ZNF146: variants seen among roughly 807,000 people sequenced by gnomAD.
The protein encoded by ZNF146 is zinc finger protein OZF.
Under a neutral mutation model 22.2 loss-of-function variants are expected in ZNF146, and 9 were observed. The observed-to-expected ratio is 0.41, with a 90% CI of 0.24 to 0.71. The LOEUF is 0.71. ZNF146 is among the 30% of genes least tolerant of loss of function. The probability of loss-of-function intolerance (pLI) is 0.34; values close to 1 mark genes in which losing one functional copy is unlikely to be tolerated. For missense variants in ZNF146, 194 were observed against 344.8 expected (o/e 0.56, Z 3.46); for synonymous variants, 108 against 119.2 (o/e 0.91, Z 0.61).
chr19:36,235,220 A>AT (rs56213724), intron 3 of ZNF146, among the ~76,000 whole-genome samples: 1 of 143,706 alleles, frequency 7.0e-6, no homozygotes, highest in Non-Finnish European at 1.5e-5. Flanking sequence ...AAAAAAAAAA[A>AT]GAAGAAAGAA....
At chr19:36,216,867 A>ATCCCAGCACTTCAGGTG (rs143459636) in intron 1 of ZNF146, among the ~76,000 whole-genome samples, 1 of 150,794 alleles carries the variant, frequency 6.6e-6, no homozygotes, top group Non-Finnish European at 1.5e-5. Context: ...CACACCTGTG[A>ATCCCAGCACTTCAGGTG]GCCAAGGCAG....
At chr19:36,232,538 C>T (rs776819455) in intron 3 of ZNF146, among the ~76,000 whole-genome samples, 1 of 151,676 alleles carries the variant, frequency 6.6e-6, no homozygotes. Context: ...AGTTTGAGAA[C>T]GCATGAGTTG....
chr19:36,221,325 G>A (rs193068230), intron 2 of ZNF146, among the ~76,000 whole-genome samples: 6 of 112,094 alleles, frequency 5.4e-5, no homozygotes, highest in African/African-American at 2.2e-4. Context: ...GTCTCACTCT[G>A]TCCCCTAGGC....
chr19:36,221,266 T>A (rs1976822422), intron 2 of ZNF146, among the ~76,000 whole-genome samples: 1 of 151,910 alleles, frequency 6.6e-6, no homozygotes, highest in Non-Finnish European at 1.5e-5. Context: ...CATTTGTTGT[T>A]TTCAGGTTAA....
rs761066998 is a variant in ZNF146, at chr19:36,237,460, A to G, written c.*141A>G. On this transcript the variant is annotated 3_prime_UTR_variant, in exon 4 of 4. Coordinates refer to ENST00000443387, the MANE Select transcript of ZNF146 (RefSeq NM_007145.3). The stretch of plus-strand genomic sequence containing the variant: ...GTACTAAAAACTTAAGGGACACCAG[A>G]AAATTTGTACTGAAGAGAAAGACAT... 28 of 1,036,906 alleles carry G rather than the reference A, an allele frequency of 2.7e-5. No homozygotes were observed. Among genetic ancestry groups the G allele is most frequent in the Non-Finnish European group, 3.7e-5 (27 of 735,956 alleles). The allele number at this position is 1,036,906 out of a possible 1,614,324, so 64.2% of individuals were successfully genotyped here.
At chr19:36,224,209 C>T (rs1036273099) in intron 2 of ZNF146, among the ~76,000 whole-genome samples, 5 of 152,168 alleles carry the variant, frequency 3.3e-5, no homozygotes, top group African/African-American at 1.2e-4. Context: ...TGGAGAAACC[C>T]TGTCTCTACT....
chr19:36,219,767 G>T (rs12463236), intron 2 of ZNF146, among the ~76,000 whole-genome samples: 26,050 of 151,718 alleles, frequency 0.17, 2,528 homozygotes, highest in Non-Finnish European at 0.22. Flanking sequence ...TGTTTTTTTT[G>T]TTGTTGTTGT....
chr19:36,222,467 C>T (rs1188973358), intron 2 of ZNF146, among the ~76,000 whole-genome samples: 2 of 152,086 alleles, frequency 1.3e-5, no homozygotes, highest in Admixed American at 6.6e-5. Flanking sequence ...AATGGCGCTG[C>T]CCAGTGGGTA....
chr19:36,228,654 A>C (rs1977187691), intron 2 of ZNF146, 94 bp from the exon 3 acceptor site: 2 of 152,246 alleles, frequency 1.3e-5, no homozygotes, highest in African/African-American at 4.8e-5. Context: ...CTCATTCTTC[A>C]GAAGGCCAGG....
At chr19:36,227,050 T>G (rs1977098119) in intron 2 of ZNF146, among the ~76,000 whole-genome samples, 1 of 144,896 alleles carries the variant, frequency 6.9e-6, no homozygotes, top group Non-Finnish European at 1.5e-5. Flanking sequence ...ACCACTGCGC[T>G]CCAGCCTGGG....
At chr19:36,234,434 T>C (rs1452738619) in intron 3 of ZNF146, among the ~76,000 whole-genome samples, 1 of 152,230 alleles carries the variant, frequency 6.6e-6, no homozygotes, top group Non-Finnish European at 1.5e-5. Flanking sequence ...GTTGTCCTAA[T>C]ATTAGACTAC....
At chr19:36,217,837 A>G (rs964089900) in intron 1 of ZNF146, among the ~76,000 whole-genome samples, 6 of 151,550 alleles carry the variant, frequency 4.0e-5, no homozygotes, top group African/African-American at 1.2e-4. Flanking sequence ...GTGAACAGAG[A>G]TTGCGCCATT....
chr19:36,236,490 C>T lies in ZNF146; in HGVS notation c.50C>T (p.Ala17Val). 1.2e-6 allele frequency: 2 copies of T among 1,613,902 alleles called. No homozygotes were observed. Among genetic ancestry groups the T allele is most frequent in the Non-Finnish European group, 1.7e-6 (2 of 1,179,930 alleles). The change falls in exon 4 of 4, where the codon GCC (alanine) becomes GTC (valine). Residue 17 changes from alanine to valine, a missense_variant. Physicochemically the swap from Ala to Val is moderately conservative, Grantham distance 64. Around this residue, in one of 2 missense-constraint regions of ZNF146, gnomAD observed 47 missense variants for 44.7 expected, o/e 1.05. Transcript: ENST00000443387. Reference sequence around the variant, plus strand: ...ATTTACAGTGGGGAAAACCCCTTTGCCTGTAAGGTATGTGGAAAAGTCTTC... The same window carrying T: ...ATTTACAGTGGGGAAAACCCCTTTGTCTGTAAGGTATGTGGAAAAGTCTTC... Reference protein sequence around the residue: ...QRIYSGENPFACKVCGKVFSH... With the variant: ...QRIYSGENPFVCKVCGKVFSH...
In ZNF146 at chr19:36,236,420, T is replaced by A; in HGVS notation, c.-21T>A. 6.4e-7 allele frequency: 1 copy of A among 1,567,134 alleles called. No homozygotes were observed. Among genetic ancestry groups the A allele is most frequent in the Non-Finnish European group, 8.6e-7 (1 of 1,159,976 alleles). On this transcript the variant is annotated 5_prime_UTR_variant, in exon 4 of 4. It removes an upstream start codon present in the reference 5' UTR. Coordinates refer to ENST00000443387, the MANE Select transcript of ZNF146 (RefSeq NM_007145.3). ...TTTTACTGGAGAGAAACCTTGTGAA[T>A]GTGGGAAAGCTTCCATTCAGATGTC...
intron 3 of ZNF146, among the ~76,000 whole-genome samples, 175 bp downstream of exon 3, chr19:36,228,994 C>G (rs4806284): frequency 0.28 from 43,126 of 152,070 alleles, 6,979 homozygotes; most frequent in African/African-American, 0.45. Flanking sequence ...TATTCTTCTT[C>G]TTTCACCAGA....
At chr19:36,235,375 C>T (rs1977608700) in intron 3 of ZNF146, among the ~76,000 whole-genome samples, 1 of 152,052 alleles carries the variant, frequency 6.6e-6, no homozygotes, top group Non-Finnish European at 1.5e-5. Flanking sequence ...GTACTTTCAG[C>T]TTTGTGGACC....
At chr19:36,229,000 C>G (rs946867326) in intron 3 of ZNF146, among the ~76,000 whole-genome samples, 181 bp downstream of exon 3, 2 of 152,214 alleles carry the variant, frequency 1.3e-5, no homozygotes, top group African/African-American at 2.4e-5. Context: ...TCTTCTTTCA[C>G]CAGATTCTAG....
At chr19:36,227,302 T>C (rs924017866) in intron 2 of ZNF146, among the ~76,000 whole-genome samples, 3 of 148,814 alleles carry the variant, frequency 2.0e-5, no homozygotes, top group Non-Finnish European at 3.0e-5. Context: ...GGCAGGAGAA[T>C]GGCTTGAACC....
intron 2 of ZNF146, among the ~76,000 whole-genome samples, chr19:36,228,301 T>A (rs540526377): frequency 6.6e-6 from 1 of 152,298 alleles, no homozygotes; most frequent in South Asian, 2.1e-4. Flanking sequence ...GCTTTAGTTC[T>A]GATGGGAACG....
Sources: gnomAD v4.1 joint callset for allele counts (sites outside exome capture counted in the v4.1 genomes callset) on GRCh38, gnomAD v4.1.1 for gene constraint, gnomAD v4.1.1 regional missense constraint, MANE v1.5 for transcripts, NCBI Gene and HGNC (gene_info 2026-07-23, HGNC 2026-07-21) for gene names.